DOCK4: variants seen among roughly 807,000 people sequenced by gnomAD.
DOCK4 encodes the protein dedicator of cytokinesis protein 4.
Under a neutral mutation model 268.1 loss-of-function variants are expected in DOCK4, and 97 were observed. That is an observed-to-expected ratio of 0.36 (90% CI 0.31 to 0.43). The LOEUF (loss-of-function observed/expected upper bound fraction) is 0.43, where lower values mean the gene tolerates loss of function less well. Among genes scored for constraint, DOCK4 ranks in the 20% least tolerant of loss-of-function variants. DOCK4 has a pLI of 1.00. For synonymous variants in DOCK4, 954 were observed against 887.2 expected, an observed-to-expected ratio of 1.08 and a Z score of -1.34; for missense variants, 2,145 against 2,455.7, an observed-to-expected ratio of 0.87 and a Z score of 2.67.
At chr7:112,154,907 G>A (rs570562765) in intron 1 of DOCK4, among the ~76,000 whole-genome samples, 1 of 152,246 alleles carries the variant, frequency 6.6e-6, no homozygotes, top group Non-Finnish European at 1.5e-5. Context: ...CTGTGCCTCA[G>A]ATTTAAAACA....
chr7:111,993,351 A>C (rs1273565525), intron 5 of DOCK4, among the ~76,000 whole-genome samples: 1 of 152,216 alleles, frequency 6.6e-6, no homozygotes, highest in Non-Finnish European at 1.5e-5. Flanking sequence ...AAAAGAAGAA[A>C]TAGCATGGGG....
At chr7:111,852,103 C>T (rs2134122419) in intron 23 of DOCK4, among the ~76,000 whole-genome samples, 1 of 152,058 alleles carries the variant, frequency 6.6e-6, no homozygotes, top group African/African-American at 2.4e-5. Context: ...GCTGGGATTA[C>T]AGGCATTCGC....
At chr7:111,823,323 C>T (rs1309271256) in intron 26 of DOCK4, among the ~76,000 whole-genome samples, 1 of 151,088 alleles carries the variant, frequency 6.6e-6, no homozygotes, top group Non-Finnish European at 1.5e-5. Context: ...TCTCCTGCCT[C>T]AGCCTCCCGA....
chr7:111,985,079 T>C (rs1009339182), intron 6 of DOCK4, among the ~76,000 whole-genome samples: 2 of 151,892 alleles, frequency 1.3e-5, no homozygotes, highest in East Asian at 2.0e-4. Context: ...GTATCAAGTA[T>C]GGTAACTGAC....
At chr7:112,173,348 A>T (rs987608523) in intron 1 of DOCK4, among the ~76,000 whole-genome samples, 3 of 152,210 alleles carry the variant, frequency 2.0e-5, no homozygotes, top group Non-Finnish European at 4.4e-5. Flanking sequence ...AAGGAGGGAA[A>T]TGTCACTTCC....
intron 23 of DOCK4, among the ~76,000 whole-genome samples, chr7:111,862,205 A>G (rs1805593547): frequency 6.6e-6 from 1 of 151,854 alleles, no homozygotes; most frequent in African/African-American, 2.4e-5. Flanking sequence ...AGGCTAAGGC[A>G]GGACAATCGC....
chr7:111,976,104 G>T, intron 8 of DOCK4, among the ~76,000 whole-genome samples: 1 of 122,336 alleles, frequency 8.2e-6, no homozygotes, highest in Non-Finnish European at 1.6e-5. Context: ...CCACACCACT[G>T]CACTCCAGCC....
intron 26 of DOCK4, among the ~76,000 whole-genome samples, chr7:111,828,123 C>A (rs996808601): frequency 1.3e-5 from 2 of 152,022 alleles, no homozygotes; most frequent in Non-Finnish European, 2.9e-5. Flanking sequence ...ACATTACTGA[C>A]AACAGAAGGA....
At chr7:111,945,271 T>C (rs1356443875) in intron 9 of DOCK4, among the ~76,000 whole-genome samples, 1 of 152,210 alleles carries the variant, frequency 6.6e-6, no homozygotes, top group Non-Finnish European at 1.5e-5. Context: ...CTGCAACCTC[T>C]GCCTCCCAGG....
At chr7:112,064,147 CA>C (rs1483495954) in intron 1 of DOCK4, among the ~76,000 whole-genome samples, 1 of 152,162 alleles carries the variant, frequency 6.6e-6, no homozygotes, top group Non-Finnish European at 1.5e-5. Flanking sequence ...TGAGACATGG[CA>C]GCAGCTTTGT....
At chr7:111,900,675 T>A in intron 14 of DOCK4, 139 bp from the exon 15 acceptor site, 1 of 859,720 alleles carries the variant, frequency 1.2e-6, no homozygotes, top group East Asian at 2.7e-5. Context: ...TGCCGTGTGT[T>A]TCTGTACTTG....
chr7:111,923,999 T>G (rs1156256572), intron 12 of DOCK4, among the ~76,000 whole-genome samples: 2 of 152,234 alleles, frequency 1.3e-5, no homozygotes, highest in African/African-American at 4.8e-5. Flanking sequence ...ACAAAGATTT[T>G]TCATTGTCAA....
At chr7:111,738,417 C>T (rs950829698) in intron 49 of DOCK4, among the ~76,000 whole-genome samples, 1 of 152,204 alleles carries the variant, frequency 6.6e-6, no homozygotes, top group Non-Finnish European at 1.5e-5. Context: ...TAGGCAAAGG[C>T]AAAGACTGCT....
At chr7:112,042,762 T>G (rs1804503380) in intron 1 of DOCK4, among the ~76,000 whole-genome samples, 1 of 152,180 alleles carries the variant, frequency 6.6e-6, no homozygotes, top group South Asian at 2.1e-4. Context: ...CCTCTGAAAC[T>G]CATGTTGAAA....
chr7:111,988,547 T>A (rs140828303), intron 6 of DOCK4, among the ~76,000 whole-genome samples: 4 of 152,276 alleles, frequency 2.6e-5, no homozygotes, highest in African/African-American at 9.6e-5. Flanking sequence ...ATCACAGCAA[T>A]AATAAAAGGC....
At chr7:112,046,367 C>G (rs188785275) in intron 1 of DOCK4, among the ~76,000 whole-genome samples, 1 of 152,196 alleles carries the variant, frequency 6.6e-6, no homozygotes, top group Admixed American at 6.5e-5. Flanking sequence ...AGATTTAGGA[C>G]AACTGTATTC....
intron 32 of DOCK4, among the ~76,000 whole-genome samples, chr7:111,785,838 C>T (rs1799128377): frequency 6.6e-6 from 1 of 152,122 alleles, no homozygotes; most frequent in Admixed American, 6.5e-5. Flanking sequence ...ATTGATAAGG[C>T]TGCTCTGTTC....
intron 4 of DOCK4, among the ~76,000 whole-genome samples, chr7:111,995,313 G>C (rs1199528397): frequency 6.6e-6 from 1 of 152,078 alleles, no homozygotes; most frequent in African/African-American, 2.4e-5. Context: ...TTACCAGTGT[G>C]AGCCACCGCG....
chr7:111,958,189 G>A (rs1327828405), intron 8 of DOCK4, among the ~76,000 whole-genome samples: 1 of 152,136 alleles, frequency 6.6e-6, no homozygotes, highest in Non-Finnish European at 1.5e-5. Flanking sequence ...TCCTCTAACT[G>A]CATCAATCCC....
Sources: allele counts gnomAD v4.1 joint callset (sites outside exome capture counted in the v4.1 genomes callset), GRCh38; gene constraint gnomAD v4.1.1; transcripts MANE v1.5; gene names NCBI Gene and HGNC (gene_info 2026-07-23, HGNC 2026-07-21).